The following CDYL variants were observed in gnomAD, a reference collection of about 807,000 sequenced individuals.
CDYL encodes chromodomain Y-like protein.
In CDYL, 8 loss-of-function variants were observed where a neutral mutation model predicts 47.3. That is an observed-to-expected ratio of 0.17 (90% CI 0.10 to 0.31). The LOEUF (loss-of-function observed/expected upper bound fraction) is 0.31, where lower values mean the gene tolerates loss of function less well. CDYL is among the 10% of genes least tolerant of loss of function. CDYL has a pLI of 1.00. For synonymous variants in CDYL, 266 were observed against 265.0 expected (o/e 1.00, Z -0.04); for missense variants, 471 against 701.4 (o/e 0.67, Z 3.71).
intron 2 of CDYL, among the ~76,000 whole-genome samples, chr6:4,922,076 G>T (rs927507033): frequency 1.3e-5 from 2 of 152,164 alleles, no homozygotes; most frequent in African/African-American, 4.8e-5. Context: ...GCCTGAATTT[G>T]GTATGAGCTT....
intron 1 of CDYL, among the ~76,000 whole-genome samples, chr6:4,860,509 A>ATAT (rs934327159): frequency 6.8e-6 from 1 of 147,670 alleles, no homozygotes; most frequent in African/African-American, 2.5e-5. Flanking sequence ...ATATATATAT[A>ATAT]AAAAATATAT....
chr6:4,727,175 G>A (rs1225666038), intron 2 of CDYL, among the ~76,000 whole-genome samples: 2 of 152,118 alleles, frequency 1.3e-5, no homozygotes, highest in African/African-American at 4.8e-5. Context: ...ACAAGGAATG[G>A]GGTGAAAGGA....
At chr6:4,735,720 C>T (rs183600848) in intron 3 of CDYL, among the ~76,000 whole-genome samples, 29 of 152,062 alleles carry the variant, frequency 1.9e-4, no homozygotes, top group South Asian at 1.5e-3. Flanking sequence ...GAGCTGAGAT[C>T]GCTCCACTGC....
chr6:4,828,253 T>C (rs796269378), intron 1 of CDYL, among the ~76,000 whole-genome samples: 23 of 3,902 alleles, frequency 5.9e-3, no homozygotes, highest in African/African-American at 0.034. Flanking sequence ...AACTTTCAGC[T>C]TTTTTTTTTT....
At position 4,943,765 on chromosome 6, in the gene CDYL, CTT is replaced by C. The variant is rs201049668; in HGVS notation, c.1332+13_1332+14del. On this transcript the variant is annotated intron_variant, in intron 5 of 6. Transcript: ENST00000397588. ...TAATGGGAGGAGCATCTGTGAGTACCTTTTTAAAAAAAAAAAAAAAAAGTCAT... is the reference window on the plus strand; with the variant it reads ...TAATGGGAGGAGCATCTGTGAGTACCTTTAAAAAAAAAAAAAAAAAGTCAT... 1.3e-4 allele frequency: 158 copies of C among 1,201,508 alleles called. 1 individual carries two copies. Among genetic ancestry groups the C allele is most frequent in the South Asian group, 1.2e-3 (79 of 65,194 alleles). The allele number at this position is 1,201,508 out of a possible 1,614,324, so 74.4% of individuals were successfully genotyped here. A position where few individuals can be genotyped will look rare whatever the true frequency, so the allele number is the denominator to read the frequency against.
intron 1 of CDYL, among the ~76,000 whole-genome samples, chr6:4,839,872 T>C (rs566235648): frequency 6.6e-6 from 1 of 152,330 alleles, no homozygotes; most frequent in South Asian, 2.1e-4. Context: ...AGATTTGTTC[T>C]TTTTGCTTAG....
At chr6:4,909,269 C>T (rs1272250255) in intron 2 of CDYL, among the ~76,000 whole-genome samples, 3 of 152,198 alleles carry the variant, frequency 2.0e-5, no homozygotes, top group African/African-American at 7.2e-5. Flanking sequence ...TGACTCCCTC[C>T]ATGTGAGGAA....
chr6:4,900,795 A>ATATATG (rs1757014735), intron 2 of CDYL, among the ~76,000 whole-genome samples: 1 of 60,008 alleles, frequency 1.7e-5, no homozygotes, highest in African/African-American at 7.1e-5. Context: ...ATATATATAT[A>ATATATG]TATATATATA....
chr6:4,949,515 C>G (rs1329915151), intron 5 of CDYL, among the ~76,000 whole-genome samples: 1 of 152,218 alleles, frequency 6.6e-6, no homozygotes, highest in African/African-American at 2.4e-5. Flanking sequence ...CGGCATTTCC[C>G]ATCTCTCTGG....
chr6:4,822,421 G>GA (rs201523879), intron 1 of CDYL, among the ~76,000 whole-genome samples: 14 of 151,988 alleles, frequency 9.2e-5, no homozygotes, highest in East Asian at 1.9e-4. Context: ...AATCTGGGGG[G>GA]AAAAAATCAA....
intron 2 of CDYL, among the ~76,000 whole-genome samples, chr6:4,895,014 T>C (rs1002649215): frequency 6.6e-6 from 1 of 151,816 alleles, no homozygotes; most frequent in Admixed American, 6.6e-5. Context: ...TGTTTATACA[T>C]ATATGTATGT....
intron 2 of CDYL, among the ~76,000 whole-genome samples, chr6:4,723,936 T>G (rs1358935169): frequency 6.6e-6 from 1 of 152,230 alleles, no homozygotes; most frequent in Non-Finnish European, 1.5e-5. Flanking sequence ...TGCTTTCGGT[T>G]AGAATGAATG....
intron 1 of CDYL, among the ~76,000 whole-genome samples, chr6:4,819,162 C>CTCTCTCTCTCTGTGTGTGTGTG (rs1016051589): frequency 2.1e-4 from 23 of 111,994 alleles, no homozygotes; most frequent in African/African-American, 9.6e-4. Context: ...CTCTCTCTCT[C>CTCTCTCTCTCTGTGTGTGTGTG]TGTGTGTGTG....
chr6:4,739,634 T>A (rs1227891326), intron 3 of CDYL, among the ~76,000 whole-genome samples: 1 of 151,978 alleles, frequency 6.6e-6, no homozygotes. Context: ...TATTTACAGA[T>A]GTATTTCTAC....
At chr6:4,931,006 C>G (rs1298605629) in intron 2 of CDYL, among the ~76,000 whole-genome samples, 1 of 152,094 alleles carries the variant, frequency 6.6e-6, no homozygotes, top group East Asian at 1.9e-4. Flanking sequence ...TTTGTTTAGT[C>G]ATTAGCAGCT....
In CDYL at chr6:4,758,587, C is replaced by T. The variant is rs142828905; in HGVS notation, c.186+23743C>T. Among the ~76,000 whole-genome samples the T allele has an allele frequency of 5.4e-3, 813 of 151,810 alleles. 5 individuals are homozygous for T. Among genetic ancestry groups the T allele is most frequent in the African/African-American group, 0.019 (783 of 41,394 alleles). ...CTGAGGCACGAGAATCGCTTGAACC[C>T]GTGAGGCAGAGGTTGCCGTGAGCCG... is the stretch of plus-strand genomic sequence containing the variant. On this transcript the variant is annotated intron_variant, in intron 3 of 8. Coordinates refer to the CDYL transcript ENST00000328908.
rs188485839 is a variant in CDYL, at chr6:4,730,491, A to G, written c.104-4271A>G. On this transcript the variant is annotated intron_variant, in intron 2 of 8. Coordinates refer to the CDYL transcript ENST00000328908. ...GGAGTTCAAGACCAGCCTGACCAAC[A>G]TGGTGAAACCCCGTCTCTACTAAAA... Among the ~76,000 whole-genome samples the G allele has an allele frequency of 3.5e-3, 539 of 152,158 alleles. 6 individuals carry two copies. Among genetic ancestry groups the G allele is most frequent in the African/African-American group, 0.012 (511 of 41,520 alleles).
At chr6:4,817,508 T>C (rs1759708929) in intron 1 of CDYL, among the ~76,000 whole-genome samples, 1 of 152,202 alleles carries the variant, frequency 6.6e-6, no homozygotes, top group Non-Finnish European at 1.5e-5. Context: ...GCTCATTTGA[T>C]AGAAAAGTGT....
At chr6:4,810,854 G>C (rs1759507975) in intron 1 of CDYL, among the ~76,000 whole-genome samples, 1 of 152,190 alleles carries the variant, frequency 6.6e-6, no homozygotes, top group South Asian at 2.1e-4. Flanking sequence ...ATGAGACCTA[G>C]TTATTTCTCA....
Sources: gnomAD v4.1 joint callset for allele counts (sites outside exome capture counted in the v4.1 genomes callset) on GRCh38, gnomAD v4.1.1 for gene constraint, MANE v1.5 for transcripts, NCBI Gene and HGNC (gene_info 2026-07-23, HGNC 2026-07-21) for gene names.